AGAP1: variants seen among roughly 807,000 people sequenced by gnomAD.
AGAP1 encodes the protein ArfGAP with GTPase domain, ankyrin repeat and PH domain 1.
Under a neutral mutation model 105.3 loss-of-function variants are expected in AGAP1, and 29 were observed. The ratio of observed to expected loss-of-function variants is 0.28; its 90% confidence interval spans 0.21 to 0.38. AGAP1 has a LOEUF of 0.38. Among genes scored for constraint, AGAP1 ranks in the 10% least tolerant of loss-of-function variants. The probability of loss-of-function intolerance (pLI) is 1.00; values close to 1 mark genes in which losing one functional copy is unlikely to be tolerated. For synonymous variants in AGAP1, 509 were observed against 485.9 expected, an observed-to-expected ratio of 1.05 and a Z score of -0.63; for missense variants, 998 against 1,165.1, an observed-to-expected ratio of 0.86 and a Z score of 2.09.
In AGAP1 at chr2:235,878,141, C is replaced by T. The variant is rs2049838328; in HGVS notation, c.1051-5204C>T. On this transcript the variant is annotated intron_variant, in intron 9 of 17. Coordinates refer to ENST00000304032, the MANE Select transcript of AGAP1 (RefSeq NM_001037131.3). ...CAGATGGAGAGTATGGGTGCTGCGG[C>T]TGCTGGATCCTAAGATCCATAGGAG... Among the ~76,000 whole-genome samples the T allele has an allele frequency of 2.6e-5, 4 of 152,336 alleles. No homozygotes were observed. The South Asian group carries it at 8.3e-4, about 32-fold the overall frequency.
rs1465220954 is a variant in AGAP1 at position 235,919,742 on chromosome 2, A to G, written c.1324+10836A>G. Among the ~76,000 whole-genome samples, 1 of 152,164 alleles carries G rather than the reference A, an allele frequency of 6.6e-6. No individual in the cohort carries two copies. Among genetic ancestry groups the G allele is most frequent in the Non-Finnish European group, 1.5e-5 (1 of 68,024 alleles). On this transcript the variant is annotated intron_variant, in intron 11 of 17. Coordinates refer to ENST00000304032, the MANE Select transcript of AGAP1 (RefSeq NM_001037131.3). This position sits in a 1 kb window ranked among gnomAD's most constrained non-coding sequence, Gnocchi z 4.1. ...CACACACACCTGTTGCATTTATCATATAAAGGAGAAAGAATATTGTAAAGA... is the reference window on the plus strand; with the variant it reads ...CACACACACCTGTTGCATTTATCATGTAAAGGAGAAAGAATATTGTAAAGA...
intron 13 of AGAP1, among the ~76,000 whole-genome samples, chr2:236,018,834 C>T (rs1288263212): frequency 6.6e-6 from 1 of 152,242 alleles, no homozygotes; most frequent in African/African-American, 2.4e-5. Context: ...TGGGAAACCT[C>T]TGCTTTGGGT....
intron 1 of AGAP1, among the ~76,000 whole-genome samples, chr2:235,585,617 C>T (rs1945082786): frequency 6.6e-6 from 1 of 152,278 alleles, no homozygotes; most frequent in African/African-American, 2.4e-5. Flanking sequence ...ATCCTTACAT[C>T]ATCATCTGCA....
At chr2:235,941,578 T>C (rs929831097) in intron 12 of AGAP1, among the ~76,000 whole-genome samples, 4 of 152,232 alleles carry the variant, frequency 2.6e-5, no homozygotes, top group African/African-American at 9.6e-5. Flanking sequence ...AAGTCGTGCA[T>C]GCATGAGTGT....
chr2:235,748,115 G>A (rs1291551676), intron 5 of AGAP1, among the ~76,000 whole-genome samples: 2 of 152,382 alleles, frequency 1.3e-5, no homozygotes, highest in African/African-American at 4.8e-5. Flanking sequence ...AGCACGATCT[G>A]TAAAAAGCTA....
At chr2:235,776,955 ACCTTTGCTTC>A (rs748604448) in intron 6 of AGAP1, 6 of 470,970 alleles carry the variant, frequency 1.3e-5, no homozygotes, top group African/African-American at 1.2e-4. Flanking sequence ...GGCCGTGCTC[ACCTTTGCTTC>A]CCTTTGCTGA....
rs1225888658 is a variant in AGAP1 at position 236,061,756 on chromosome 2, G to A, written c.2114+12475G>A. Among the ~76,000 whole-genome samples the A allele has an allele frequency of 6.6e-6, 1 of 151,794 alleles. No homozygotes were observed. The highest frequency in any genetic ancestry group is 2.4e-5 in the African/African-American group (1 of 41,268). On this transcript the variant is annotated intron_variant, in intron 16 of 17. Coordinates refer to ENST00000304032, the MANE Select transcript of AGAP1 (RefSeq NM_001037131.3). This position sits in a 1 kb window ranked among gnomAD's most constrained non-coding sequence, Gnocchi z 4.1. ...TAATGAGTACGAAACTTCTTTTGGA[G>A]ACAACGAAAATGATCTGGATTTACA...
chr2:235,650,777 G>C (rs888279119), intron 1 of AGAP1, among the ~76,000 whole-genome samples: 11 of 152,152 alleles, frequency 7.2e-5, no homozygotes, highest in Admixed American at 1.3e-4. Flanking sequence ...TAAAACTCTA[G>C]AAAGACTTAT....
intron 1 of AGAP1, among the ~76,000 whole-genome samples, chr2:235,580,600 T>C (rs1024774499): frequency 6.6e-6 from 1 of 152,182 alleles, no homozygotes; most frequent in Non-Finnish European, 1.5e-5. Context: ...TGTGCCTGAC[T>C]ATGGGCATTT....
rs1205201839 is a variant in AGAP1 at position 235,614,155 on chromosome 2, A to C, written c.164-95024A>C. Among the ~76,000 whole-genome samples the C allele has an allele frequency of 6.6e-6, 1 of 152,206 alleles. No homozygotes were observed. The highest frequency in any genetic ancestry group is 1.5e-5 in the Non-Finnish European group (1 of 68,042). On this transcript the variant is annotated intron_variant, in intron 1 of 17. Coordinates refer to ENST00000304032, the MANE Select transcript of AGAP1 (RefSeq NM_001037131.3). This position sits in a 1 kb window ranked among gnomAD's most constrained non-coding sequence, Gnocchi z 4.7. ...AGATACCCTACTGGTGCTGGTGAGCAGAAACAGGCAAGGTCTTTGGCCTCA... is the reference window on the plus strand; with the variant it reads ...AGATACCCTACTGGTGCTGGTGAGCCGAAACAGGCAAGGTCTTTGGCCTCA...
chr2:235,804,534 A>T (rs1559508303), intron 8 of AGAP1, among the ~76,000 whole-genome samples: 1 of 152,170 alleles, frequency 6.6e-6, no homozygotes, highest in African/African-American at 2.4e-5. Context: ...CACTGGTTGA[A>T]AGGGGGTAAA....
At position 235,724,743 on chromosome 2, in the gene AGAP1, G is replaced by A. The variant is rs752372255; in HGVS notation, c.310+7099G>A. Among the ~76,000 whole-genome samples the A allele has an allele frequency of 6.6e-6, 1 of 152,210 alleles. No individual in the cohort carries two copies. Among genetic ancestry groups the A allele is most frequent in the Non-Finnish European group, 1.5e-5 (1 of 68,042 alleles). On this transcript the variant is annotated intron_variant, in intron 3 of 17. Coordinates refer to ENST00000304032, the MANE Select transcript of AGAP1 (RefSeq NM_001037131.3). The surrounding 1 kb of genome is among the most constrained non-coding windows in gnomAD (Gnocchi z 4.9). ...CAGGTAAGGACCAGTGAGAAACAGT[G>A]GGTGAGATTAGGCTCGACAGTTCCC...
chr2:236,039,001 ATATAT>A (rs1190203987), intron 14 of AGAP1, among the ~76,000 whole-genome samples: 1 of 152,228 alleles, frequency 6.6e-6, no homozygotes, highest in Admixed American at 6.5e-5. Context: ...GTAGCAAGTA[ATATAT>A]TATTTCACAT....
At position 235,864,822 on chromosome 2, in the gene AGAP1, A is replaced by G. The variant is rs1426852772; in HGVS notation, c.1051-18523A>G. Among the ~76,000 whole-genome samples, 1 of 152,158 alleles carries G rather than the reference A, an allele frequency of 6.6e-6. No homozygotes were observed. The highest frequency in any genetic ancestry group is 6.5e-5 in the Admixed American group (1 of 15,272). On this transcript the variant is annotated intron_variant, in intron 9 of 17. Coordinates refer to ENST00000304032, the MANE Select transcript of AGAP1 (RefSeq NM_001037131.3). This position sits in a 1 kb window ranked among gnomAD's most constrained non-coding sequence, Gnocchi z 5.0. ...TTTGGTTTGGTCTTAGTACCCCAGC[A>G]TACAGTAGCTTCATTGGCTTTTTTT...
intron 1 of AGAP1, among the ~76,000 whole-genome samples, chr2:235,636,545 C>T (rs1175302721): frequency 6.6e-6 from 1 of 152,166 alleles, no homozygotes; most frequent in Non-Finnish European, 1.5e-5. Flanking sequence ...TGTGAAGCCT[C>T]CCCTTCCAGA....
chr2:235,853,316 G>C (rs1251265794), intron 9 of AGAP1: 1 of 741,660 alleles, frequency 1.3e-6, no homozygotes. Context: ...GTTGAGTGAG[G>C]AATTGTTTTA....
At chr2:235,652,377 C>T (rs1052753444) in intron 1 of AGAP1, among the ~76,000 whole-genome samples, 3 of 152,058 alleles carry the variant, frequency 2.0e-5, no homozygotes, top group Non-Finnish European at 4.4e-5. Flanking sequence ...GACCCCTGTC[C>T]TCTGCATGCT....
At chr2:236,100,654 G>A (rs142198972) in intron 16 of AGAP1, among the ~76,000 whole-genome samples, 17,811 of 151,874 alleles carry the variant, frequency 0.12, 1,771 homozygotes, top group African/African-American at 0.27. Context: ...GTGAAACCTC[G>A]TCTCTACTAA....
Position 235,620,804 on chromosome 2 carries a change from G to C in AGAP1, c.164-88375G>C, listed in dbSNP as rs542388827. Among the ~76,000 whole-genome samples the C allele has an allele frequency of 9.2e-5, 14 of 152,350 alleles. No individual in the cohort carries two copies. The East Asian group carries it at 2.7e-3, about 29-fold the overall frequency. ...GTTCGTTAGGCATGCAGGTGAACAA[G>C]TGAATGAGTGATCCTGAGTTTGCTC... On this transcript the variant is annotated intron_variant, in intron 1 of 17. Coordinates refer to ENST00000304032, the MANE Select transcript of AGAP1 (RefSeq NM_001037131.3). The surrounding 1 kb of genome is among the most constrained non-coding windows in gnomAD (Gnocchi z 4.5).
Sources: gnomAD v4.1 joint callset for allele counts (sites outside exome capture counted in the v4.1 genomes callset) on GRCh38, gnomAD v4.1.1 for gene constraint, Gnocchi (gnomAD v3.1) non-coding constraint, MANE v1.5 for transcripts, NCBI Gene and HGNC (gene_info 2026-07-23, HGNC 2026-07-21) for gene names.